The following PDZD2 variants were observed in gnomAD, a reference collection of about 807,000 sequenced individuals.
The protein encoded by PDZD2 is PDZ domain-containing protein 2.
PDZD2 carries 90 observed loss-of-function variants against 220.7 expected under a neutral mutation model. The ratio of observed to expected loss-of-function variants is 0.41; its 90% CI spans 0.34 to 0.49. The LOEUF (loss-of-function observed/expected upper bound fraction) is 0.49, where lower values mean the gene tolerates loss of function less well. Among genes scored for constraint, PDZD2 ranks in the 20% least tolerant of loss-of-function variants. PDZD2 has a pLI of 0.28. For synonymous variants in PDZD2, 1,375 were observed against 1,450.5 expected (o/e 0.95, Z 1.18); for missense variants, 3,174 against 3,608.5 (o/e 0.88, Z 3.08).
At chr5:31,656,823 GC>G (rs1745566289) in intron 1 of PDZD2, among the ~76,000 whole-genome samples, 2 of 152,170 alleles carry the variant, frequency 1.3e-5, no homozygotes, top group South Asian at 4.1e-4. Context: ...CTAAGAGGAA[GC>G]TCCAAGACAG....
chr5:31,643,290 T>C (rs1161565253), intron 1 of PDZD2, among the ~76,000 whole-genome samples: 1 of 152,252 alleles, frequency 6.6e-6, no homozygotes, highest in Non-Finnish European at 1.5e-5. Context: ...AGTTTTGGAC[T>C]ACTCTGAGCA....
chr5:31,976,707 CTTCTTTCTTTT>C (rs1372902005), intron 2 of PDZD2, among the ~76,000 whole-genome samples: 9 of 121,654 alleles, frequency 7.4e-5, no homozygotes, highest in African/African-American at 2.8e-4. Flanking sequence ...TCCTTTTTTT[CTTCTTTCTTTT>C]TTTTTTTTTT....
intron 2 of PDZD2, among the ~76,000 whole-genome samples, chr5:31,879,863 T>A (rs1739699408): frequency 6.6e-6 from 1 of 151,872 alleles, no homozygotes; most frequent in Admixed American, 6.6e-5. Context: ...TCACTAGATC[T>A]GATTTTGGCT....
At chr5:31,693,717 G>C (rs145029106) in intron 1 of PDZD2, among the ~76,000 whole-genome samples, 1 of 152,208 alleles carries the variant, frequency 6.6e-6, no homozygotes, top group Admixed American at 6.5e-5. Flanking sequence ...GATGTAACTG[G>C]GAGGAAATTG....
In PDZD2 at chr5:32,089,476, G is replaced by A. The variant is rs201168802; in HGVS notation, c.6028G>A (p.Asp2010Asn). The A allele has an allele frequency of 3.5e-5, 56 of 1,613,552 alleles. No individual in the cohort carries two copies. The highest frequency in any genetic ancestry group is 3.0e-4 in the Admixed American group (18 of 60,018). ...CCACATGGCTGTCCTCTCTGAACCC[G>A]ACAGAGGTTGCCCAACCACCCCTAA... The part of the protein sequence containing the change: ...RFHMAVLSEP[D>N]RGCPTTPKSP... The change falls in exon 20 of 25, where the codon GAC (aspartate) becomes AAC (asparagine). Residue 2010 changes from aspartate to asparagine, a missense_variant. Asp to Asn is a conservative substitution (Grantham distance 23). Coordinates refer to ENST00000438447, the MANE Select transcript of PDZD2 (RefSeq NM_178140.4).
At chr5:31,749,169 G>A (rs553180128) in intron 1 of PDZD2, among the ~76,000 whole-genome samples, 14 of 152,246 alleles carry the variant, frequency 9.2e-5, no homozygotes, top group African/African-American at 3.4e-4. Flanking sequence ...TTGTTTCCCT[G>A]CTTATCTGTC....
intron 1 of PDZD2, among the ~76,000 whole-genome samples, chr5:31,684,092 T>C (rs4867075): frequency 0.075 from 11,468 of 152,232 alleles, 704 homozygotes; most frequent in African/African-American, 0.15. Context: ...CTATTTTCCC[T>C]GTAGATCTGA....
chr5:31,999,256 TG>T (rs779848816), intron 4 of PDZD2, among the ~76,000 whole-genome samples: 5 of 102,074 alleles, frequency 4.9e-5, no homozygotes, highest in East Asian at 3.2e-4. Flanking sequence ...TGCTTTTTTT[TG>T]GGGGGGGCGG....
intron 2 of PDZD2, among the ~76,000 whole-genome samples, chr5:31,940,958 C>CA (rs1375533627): frequency 6.6e-6 from 1 of 151,642 alleles, no homozygotes; most frequent in African/African-American, 2.4e-5. Flanking sequence ...CATGCCCCCC[C>CA]ACCAAAAAAA....
rs79077317 is a variant in PDZD2, at chr5:31,956,256, G to A, written c.477-26899G>A. ...GTACTGCTGCTTATTTCTTTCTTCCGTTCCGTTAATATTTGCTTTATATGT... is the reference window on the plus strand; with the variant it reads ...GTACTGCTGCTTATTTCTTTCTTCCATTCCGTTAATATTTGCTTTATATGT... On this transcript the variant is annotated intron_variant, in intron 2 of 24. Coordinates refer to ENST00000438447, the MANE Select transcript of PDZD2 (RefSeq NM_178140.4). 7.2e-3 allele frequency among the ~76,000 whole-genome samples: 1,082 copies of A among 150,972 alleles called. 14 individuals carry two copies. Among genetic ancestry groups the A allele is most frequent in the African/African-American group, 0.026 (1,058 of 41,022 alleles).
At chr5:31,706,747 G>A (rs1361084920) in intron 1 of PDZD2, among the ~76,000 whole-genome samples, 5 of 151,904 alleles carry the variant, frequency 3.3e-5, no homozygotes, top group African/African-American at 1.2e-4. Context: ...GGGAGGCTGA[G>A]GCAGGAGAAT....
chr5:31,933,100 G>A (rs1266221459), intron 2 of PDZD2, among the ~76,000 whole-genome samples: 4 of 151,916 alleles, frequency 2.6e-5, no homozygotes, highest in Admixed American at 6.6e-5. Flanking sequence ...TAGTAGAGAC[G>A]GGGTTTCACC....
intron 1 of PDZD2, among the ~76,000 whole-genome samples, chr5:31,766,690 C>T (rs1752034866): frequency 6.6e-6 from 1 of 151,846 alleles, no homozygotes; most frequent in Non-Finnish European, 1.5e-5. Flanking sequence ...CAGCACCCAA[C>T]CTACATAAGA....
At chr5:31,743,133 G>A (rs755637115) in intron 1 of PDZD2, among the ~76,000 whole-genome samples, 3 of 151,166 alleles carry the variant, frequency 2.0e-5, no homozygotes, top group Non-Finnish European at 4.4e-5. Context: ...TCTCTTTAGT[G>A]TTGAGTATGT....
Position 31,757,460 on chromosome 5 carries a change from C to T in PDZD2, c.-360-41429C>T, listed in dbSNP as rs547443566. On this transcript the variant is annotated intron_variant, in intron 1 of 24. Transcript: ENST00000438447. ...CAAAAAAATTAGCCGGGCGTGGTGG[C>T]GGACACCTGTAGTCCCAGCTACTCA... Among the ~76,000 whole-genome samples, 13 of 152,056 alleles carry T rather than the reference C, an allele frequency of 8.5e-5. No individual in the cohort carries two copies. In the South Asian group the frequency reaches 1.7e-3, roughly 19 times the overall value.
At chr5:31,915,011 G>T (rs1334038990) in intron 2 of PDZD2, among the ~76,000 whole-genome samples, 3 of 152,196 alleles carry the variant, frequency 2.0e-5, no homozygotes, top group Non-Finnish European at 2.9e-5. Context: ...GTACCTAGTT[G>T]TCCCTGTGAG....
chr5:32,044,950 A>G (rs1203431481), intron 7 of PDZD2, among the ~76,000 whole-genome samples: 1 of 152,242 alleles, frequency 6.6e-6, no homozygotes, highest in East Asian at 1.9e-4. Flanking sequence ...AGATATTTAC[A>G]TGCAGATTTT....
Position 32,103,028 on chromosome 5 carries a change from AAACAG to A in PDZD2, c.8353+1797_8353+1801del, listed in dbSNP as rs372536912. On this transcript the variant is annotated intron_variant, in intron 24 of 24. Coordinates refer to ENST00000438447, the MANE Select transcript of PDZD2 (RefSeq NM_178140.4). ...ATGTGAAGATAGATAGAATTTGTAA[AAACAG>A]AACAGAAGAAACCATTAAAAAATGC... Among the ~76,000 whole-genome samples, 683 of 152,376 alleles carry A rather than the reference AAACAG, an allele frequency of 4.5e-3. 4 individuals carry two copies. The highest frequency in any genetic ancestry group is 7.0e-3 in the Non-Finnish European group (476 of 68,040).
intron 2 of PDZD2, among the ~76,000 whole-genome samples, chr5:31,835,467 A>T (rs1756892046): frequency 6.6e-6 from 1 of 152,130 alleles, no homozygotes; most frequent in Non-Finnish European, 1.5e-5. Context: ...AAAATACAAA[A>T]TTAGCCAGGC....
Sources: allele counts gnomAD v4.1 joint callset (sites outside exome capture counted in the v4.1 genomes callset), GRCh38; gene constraint gnomAD v4.1.1; transcripts MANE v1.5; gene names NCBI Gene and HGNC (gene_info 2026-07-23, HGNC 2026-07-21).